MAPK4: variants seen among roughly 807,000 people sequenced by gnomAD.
The protein encoded by MAPK4 is mitogen-activated protein kinase 4, also known as Erk3-related.
A neutral mutation model predicts 47.7 loss-of-function variants in MAPK4; 22 were observed. The ratio of observed to expected loss-of-function variants is 0.46; its 90% CI spans 0.33 to 0.66. The LOEUF is 0.66. Among genes scored for constraint, MAPK4 ranks in the 30% least tolerant of loss-of-function variants. The probability of loss-of-function intolerance (pLI) is 0.02; values close to 1 mark genes in which losing one functional copy is unlikely to be tolerated. For synonymous variants in MAPK4, 390 were observed against 365.7 expected (o/e 1.07, Z -0.76); for missense variants, 736 against 831.7 (o/e 0.88, Z 1.42).
At chr18:50,648,099 C>CAGAGAGAGAG (rs146378809) in intron 1 of MAPK4, among the ~76,000 whole-genome samples, 81 of 147,092 alleles carry the variant, frequency 5.5e-4, no homozygotes, top group African/African-American at 1.8e-3. Flanking sequence ...AAGAAAGACC[C>CAGAGAGAGAG]AGAGAGAGAG....
intron 5 of MAPK4, among the ~76,000 whole-genome samples, chr18:50,726,413 A>G (rs1424268093): frequency 6.6e-6 from 1 of 152,112 alleles, no homozygotes; most frequent in Non-Finnish European, 1.5e-5. Context: ...TTCCCTCACC[A>G]TGACTCTACT....
chr18:50,583,121 T>C (rs570016655), intron 1 of MAPK4, among the ~76,000 whole-genome samples: 2 of 152,280 alleles, frequency 1.3e-5, no homozygotes, highest in East Asian at 3.9e-4. Context: ...AAGAATTTTA[T>C]TGATCAACAG....
chr18:50,617,312 T>C (rs1455835374), intron 1 of MAPK4, among the ~76,000 whole-genome samples: 1 of 152,190 alleles, frequency 6.6e-6, no homozygotes, highest in Non-Finnish European at 1.5e-5. Context: ...GGAAACAAAA[T>C]TAATCTTTTA....
chr18:50,704,040 C>T (rs1257325595), intron 2 of MAPK4, among the ~76,000 whole-genome samples: 2 of 152,172 alleles, frequency 1.3e-5, no homozygotes, highest in Non-Finnish European at 2.9e-5. Flanking sequence ...CCTCCTTCCC[C>T]ACACCTGCCC....
chr18:50,572,928 T>A (rs1297768999), intron 1 of MAPK4, among the ~76,000 whole-genome samples: 1 of 152,182 alleles, frequency 6.6e-6, no homozygotes, highest in African/African-American at 2.4e-5. Flanking sequence ...ACTTAGATTA[T>A]TTGAAATAAG....
chr18:50,575,037 C>T (rs946325892), intron 1 of MAPK4, among the ~76,000 whole-genome samples: 4 of 152,234 alleles, frequency 2.6e-5, no homozygotes, highest in African/African-American at 4.8e-5. Context: ...GGGTTGGAAA[C>T]CTAATTCCTA....
chr18:50,721,939 G>C lies in MAPK4; in HGVS notation c.693G>C (p.Gly231=), dbSNP rs756687569. The C allele has an allele frequency of 6.2e-6, 10 of 1,613,986 alleles. No homozygotes were observed. The highest frequency in any genetic ancestry group is 8.5e-6 in the Non-Finnish European group (10 of 1,180,006). The change falls in exon 4 of 6, where the codon GGG becomes GGC. Residue 231 remains glycine, a splice_region_variant and synonymous_variant. Coordinates refer to ENST00000400384, the MANE Select transcript of MAPK4 (RefSeq NM_002747.4). ...EMLTGRMLFA[G]AHELEQMQLI... is the part of the protein sequence containing the mutation. ...AACCATCTGGCATTGCCTCCCCAGG[G>C]GCCCATGAGCTGGAGCAGATGCAAC...
intron 3 of MAPK4, among the ~76,000 whole-genome samples, chr18:50,718,974 C>T: frequency 6.7e-6 from 1 of 149,562 alleles, no homozygotes; most frequent in East Asian, 2.0e-4. Context: ...ATCCCAGCTA[C>T]TTGGGAGGCT....
chr18:50,572,670 C>G (rs980963217), intron 1 of MAPK4, among the ~76,000 whole-genome samples: 2 of 152,070 alleles, frequency 1.3e-5, no homozygotes, highest in African/African-American at 4.8e-5. Context: ...CCAGTTTATT[C>G]AGAAGCAAAT....
At chr18:50,681,214 G>A (rs114535207) in intron 2 of MAPK4, among the ~76,000 whole-genome samples, 1,797 of 152,162 alleles carry the variant, frequency 0.012, 40 homozygotes, top group African/African-American at 0.041. Context: ...CTTCTCTGGA[G>A]AACTGTCTAT....
At chr18:50,604,585 C>T (rs2042567412) in intron 1 of MAPK4, among the ~76,000 whole-genome samples, 1 of 152,226 alleles carries the variant, frequency 6.6e-6, no homozygotes, top group Admixed American at 6.5e-5. Context: ...AATAATCGAT[C>T]TGAGAAAGAG....
chr18:50,702,577 CT>C (rs1388287677), intron 2 of MAPK4, among the ~76,000 whole-genome samples: 1 of 152,130 alleles, frequency 6.6e-6, no homozygotes, highest in African/African-American at 2.4e-5. Context: ...AGTTCCTTTT[CT>C]GATTAAACAT....
At chr18:50,620,638 C>T (rs533502324) in intron 1 of MAPK4, among the ~76,000 whole-genome samples, 1 of 152,264 alleles carries the variant, frequency 6.6e-6, no homozygotes, top group Non-Finnish European at 1.5e-5. Context: ...GGTGCAGTTA[C>T]TTGTGCCTAT....
At chr18:50,596,102 A>G (rs1368237485) in intron 1 of MAPK4, among the ~76,000 whole-genome samples, 2 of 152,198 alleles carry the variant, frequency 1.3e-5, no homozygotes, top group Non-Finnish European at 2.9e-5. Context: ...GAGCTTTTCT[A>G]GGGCTTCACA....
intron 1 of MAPK4, among the ~76,000 whole-genome samples, chr18:50,630,525 G>A (rs552396000): frequency 2.6e-5 from 4 of 152,122 alleles, no homozygotes; most frequent in East Asian, 1.9e-4. Context: ...CCAACCTTCC[G>A]TAGCCATTCT....
chr18:50,715,357 T>C, intron 3 of MAPK4, 134 bp downstream of exon 3: 2 of 1,077,450 alleles, frequency 1.9e-6, no homozygotes, highest in Non-Finnish European at 2.6e-6. Flanking sequence ...TTTATGACAC[T>C]ATTTGGAGGC....
At chr18:50,671,155 G>C (rs1907928206) in intron 2 of MAPK4, among the ~76,000 whole-genome samples, 2 of 152,184 alleles carry the variant, frequency 1.3e-5, no homozygotes, top group African/African-American at 2.4e-5. Context: ...CTCAGGCTCT[G>C]TGACAGGGGT....
intron 1 of MAPK4, among the ~76,000 whole-genome samples, chr18:50,571,809 G>A (rs1288402885): frequency 6.6e-6 from 1 of 152,192 alleles, no homozygotes; most frequent in East Asian, 1.9e-4. Flanking sequence ...AAAGTTAGCT[G>A]AGCAAATTCC....
Position 50,719,675 on chromosome 18 carries a change from C to T in MAPK4, c.692-2263C>T, listed in dbSNP as rs12605206. Among the ~76,000 whole-genome samples, 193 of 152,330 alleles carry T rather than the reference C, an allele frequency of 1.3e-3. 2 individuals are homozygous for T. The East Asian group carries it at 0.027, about 22-fold the overall frequency. On this transcript the variant is annotated intron_variant, in intron 3 of 5. Transcript: ENST00000400384. ...AGCTCACAGGGCTGTGCTCCAGCTG[C>T]CCTTCCAACAGGCTGACAACCTTCA...
Sources: allele counts gnomAD v4.1 joint callset (sites outside exome capture counted in the v4.1 genomes callset), GRCh38; gene constraint gnomAD v4.1.1; transcripts MANE v1.5; gene names NCBI Gene and HGNC (gene_info 2026-07-23, HGNC 2026-07-21).